The following COG3 variants were observed in gnomAD, a reference collection of about 807,000 sequenced individuals.
COG3 encodes conserved oligomeric Golgi complex subunit 3.
In COG3, 32 loss-of-function variants were observed where a neutral mutation model predicts 114.1. That is an observed-to-expected ratio of 0.28 (90% CI 0.21 to 0.38). The LOEUF (loss-of-function observed/expected upper bound fraction) is 0.38, where lower values mean the gene tolerates loss of function less well. Among genes scored for constraint, COG3 ranks in the 10% least tolerant of loss-of-function variants. The pLI is 1.00. For missense variants in COG3, 813 were observed against 973.2 expected (o/e 0.84, Z 2.19); for synonymous variants, 352 against 365.7 (o/e 0.96, Z 0.43).
intron 8 of COG3, 28 bp from the exon 9 acceptor site, chr13:45,490,887 T>A: frequency 6.8e-7 from 1 of 1,473,314 alleles, no homozygotes; most frequent in Non-Finnish European, 9.4e-7. Context: ...AGAGATGGTT[T>A]TTTGATGCAT....
intron 8 of COG3, among the ~76,000 whole-genome samples, chr13:45,489,530 A>C (rs1886896462): frequency 6.6e-6 from 1 of 152,152 alleles, no homozygotes; most frequent in East Asian, 1.9e-4. Flanking sequence ...GTAATTATAA[A>C]ATGATTATAT....
At chr13:45,488,207 G>A (rs1282523391) in intron 8 of COG3, among the ~76,000 whole-genome samples, 1 of 152,164 alleles carries the variant, frequency 6.6e-6, no homozygotes, top group African/African-American at 2.4e-5. Context: ...TAGAATGATA[G>A]ATACCAGAGG....
intron 1 of COG3, among the ~76,000 whole-genome samples, chr13:45,470,023 C>T (rs965119451): frequency 6.6e-6 from 1 of 152,146 alleles, no homozygotes; most frequent in African/African-American, 2.4e-5. Flanking sequence ...ACTTGCTTTT[C>T]ACTTAAATAT....
chr13:45,526,076 ATTTTTTTTTTTT>A (rs386379016), intron 20 of COG3, among the ~76,000 whole-genome samples: 8 of 56,582 alleles, frequency 1.4e-4, no homozygotes, highest in South Asian at 8.6e-4. Flanking sequence ...CAAAATTTTA[ATTTTTTTTTTTT>A]TTTTTTTTTT....
At chr13:45,465,377 C>T in intron 1 of COG3, 167 bp downstream of exon 1, 1 of 1,180,982 alleles carries the variant, frequency 8.5e-7, no homozygotes, top group Non-Finnish European at 1.1e-6. Context: ...GGCTGTCAGG[C>T]TTCGCTCTGC....
intron 15 of COG3, among the ~76,000 whole-genome samples, chr13:45,511,073 G>T (rs1378612572): frequency 6.6e-6 from 1 of 152,130 alleles, no homozygotes; most frequent in Non-Finnish European, 1.5e-5. Flanking sequence ...AGGAGTCCTG[G>T]TCCAACCACC....
At chr13:45,507,507 G>A (rs1470656454) in intron 14 of COG3, among the ~76,000 whole-genome samples, 1 of 152,182 alleles carries the variant, frequency 6.6e-6, no homozygotes, top group Non-Finnish European at 1.5e-5. Flanking sequence ...GCTCACACCT[G>A]TAATTCCAGC....
intron 21 of COG3, among the ~76,000 whole-genome samples, chr13:45,530,178 A>C (rs1332202369): frequency 6.6e-6 from 1 of 152,138 alleles, no homozygotes; most frequent in Non-Finnish European, 1.5e-5. Context: ...AAAAAATCAG[A>C]CCCTTACATT....
intron 14 of COG3, among the ~76,000 whole-genome samples, chr13:45,507,925 C>T (rs555468530): frequency 2.7e-5 from 4 of 146,826 alleles, no homozygotes; most frequent in Admixed American, 1.4e-4. Context: ...GAAAATTAGC[C>T]GGGTGTGGTG....
chr13:45,496,194 TAGA>T lies in COG3; in HGVS notation c.1374_1376del (p.Glu458del). On this transcript the variant is annotated inframe_deletion, in exon 13 of 23. Coordinates refer to ENST00000349995, the MANE Select transcript of COG3 (RefSeq NM_031431.4). ...TTTGCAGCTGGAGTCAAGCAGATGT[TAGA>T]AGATGTACAGGAGCGGCTCGTCTAC... 1 of 1,611,682 alleles carries T rather than the reference TAGA, an allele frequency of 6.2e-7. No homozygotes were observed. The highest frequency in any genetic ancestry group is 8.5e-7 in the Non-Finnish European group (1 of 1,178,430).
At chr13:45,524,408 A>T (rs148804071) in intron 19 of COG3, among the ~76,000 whole-genome samples, 1 of 152,184 alleles carries the variant, frequency 6.6e-6, no homozygotes, top group Non-Finnish European at 1.5e-5. Context: ...ATGAAAAGAG[A>T]TGACTAGAAG....
At chr13:45,522,592 C>G (rs919474645) in intron 19 of COG3, among the ~76,000 whole-genome samples, 15 of 152,004 alleles carry the variant, frequency 9.9e-5, no homozygotes, top group African/African-American at 3.6e-4. Flanking sequence ...TGTTTAATAC[C>G]TGATTTTTGG....
At chr13:45,531,061 T>C (rs1235454790) in intron 22 of COG3, 4 of 1,019,512 alleles carry the variant, frequency 3.9e-6, no homozygotes, top group African/African-American at 3.4e-5. Context: ...AAGACTCAAA[T>C]AGTGGCATTT....
intron 1 of COG3, chr13:45,465,747 G>A (rs1003647141): frequency 2.6e-5 from 4 of 152,488 alleles, no homozygotes; most frequent in African/African-American, 9.6e-5. Flanking sequence ...TCTCAATCAA[G>A]TGCAAGTTAT....
intron 19 of COG3, among the ~76,000 whole-genome samples, chr13:45,523,643 A>G (rs1414526509): frequency 6.6e-6 from 1 of 152,204 alleles, no homozygotes; most frequent in Non-Finnish European, 1.5e-5. Flanking sequence ...ACATAAAAAT[A>G]CTTGTGCGAA....
chr13:45,502,627 T>C (rs1041142589), intron 13 of COG3, among the ~76,000 whole-genome samples: 2 of 150,306 alleles, frequency 1.3e-5, no homozygotes, highest in African/African-American at 2.4e-5. Context: ...GGCTATTAAT[T>C]TTTTTTTTTA....
intron 6 of COG3, 109 bp downstream of exon 6, chr13:45,482,582 T>G: frequency 1.8e-6 from 1 of 543,306 alleles, no homozygotes; most frequent in South Asian, 2.7e-5. Context: ...GTTCCTATTA[T>G]ATCACTTCTT....
chr13:45,473,169 T>A (rs906324645), intron 1 of COG3, among the ~76,000 whole-genome samples: 1 of 152,126 alleles, frequency 6.6e-6, no homozygotes, highest in Non-Finnish European at 1.5e-5. Context: ...GCACCCGGCC[T>A]GTTTCCTCTT....
chr13:45,474,336 G>A (rs2137783010), intron 1 of COG3, among the ~76,000 whole-genome samples: 1 of 151,456 alleles, frequency 6.6e-6, no homozygotes, highest in African/African-American at 2.4e-5. Context: ...TTTTTTTTGT[G>A]TGTTTTTAGT....
Sources: allele counts gnomAD v4.1 joint callset (sites outside exome capture counted in the v4.1 genomes callset), GRCh38; gene constraint gnomAD v4.1.1; transcripts MANE v1.5; gene names NCBI Gene and HGNC (gene_info 2026-07-23, HGNC 2026-07-21).